Variants in MYO9B observed in about 807,000 individuals in gnomAD.
MYO9B encodes the protein myosin IXB.
Under a neutral mutation model 229.5 loss-of-function variants are expected in MYO9B, and 71 were observed. The observed-to-expected ratio is 0.31, with a 90% CI of 0.26 to 0.38. MYO9B has a LOEUF of 0.38. MYO9B is among the 10% of genes least tolerant of loss of function. The pLI, the probability that MYO9B is intolerant of heterozygous loss-of-function variation, is 1.00. For missense variants in MYO9B, 2,255 were observed against 2,920.5 expected, an observed-to-expected ratio of 0.77 and a Z score of 5.25; for synonymous variants, 1,185 against 1,235.8, an observed-to-expected ratio of 0.96 and a Z score of 0.86.
At chr19:17,114,905 T>C (rs1599337559) in intron 2 of MYO9B, among the ~76,000 whole-genome samples, 1 of 148,302 alleles carries the variant, frequency 6.7e-6, no homozygotes, top group Admixed American at 6.8e-5. Flanking sequence ...CTCTTTTGGT[T>C]CCCCCAGTTG....
chr19:17,188,428 CA>C (rs1182917762), intron 19 of MYO9B, among the ~76,000 whole-genome samples: 284 of 92,532 alleles, frequency 3.1e-3, no homozygotes, highest in African/African-American at 9.0e-3. Flanking sequence ...GACTCCATCT[CA>C]AAAAAAAAAA....
At chr19:17,181,973 C>A (rs2072866482) in intron 15 of MYO9B, among the ~76,000 whole-genome samples, 1 of 151,858 alleles carries the variant, frequency 6.6e-6, no homozygotes, top group African/African-American at 2.4e-5. Flanking sequence ...GATGGGGTTT[C>A]ACCATGTTGG....
chr19:17,093,689 G>C (rs2057660375), intron 1 of MYO9B, among the ~76,000 whole-genome samples: 1 of 22,214 alleles, frequency 4.5e-5, no homozygotes, highest in Non-Finnish European at 7.3e-5. Flanking sequence ...TTTTTTGCGG[G>C]GGGTGGGGGG....
Position 17,132,628 on chromosome 19 carries a change from G to A in MYO9B, c.841-12769G>A, listed in dbSNP as rs1352202823. Among the ~76,000 whole-genome samples, 6 of 144,598 alleles carry A rather than the reference G, an allele frequency of 4.1e-5. No homozygotes were observed. In the East Asian group the frequency reaches 1.2e-3, roughly 29 times the overall value. The allele number at this position is 144,598 out of a possible 152,430, so 94.9% of individuals were successfully genotyped here. ...ACTGCAAGCTCCACCTCCCAGGTTC[G>A]TGCCATTCTCCTGCCTCAACCTCCC... On this transcript the variant is annotated intron_variant, in intron 2 of 39. Coordinates refer to ENST00000682292, the MANE Select transcript of MYO9B (RefSeq NM_004145.4).
intron 10 of MYO9B, among the ~76,000 whole-genome samples, chr19:17,165,793 A>G (rs2072653015): frequency 6.6e-6 from 1 of 152,098 alleles, no homozygotes; most frequent in South Asian, 2.1e-4. Flanking sequence ...AAAAAAGAAA[A>G]TGTGAAGATT....
chr19:17,144,041 G>A (rs1036792936), intron 2 of MYO9B, among the ~76,000 whole-genome samples: 6 of 152,060 alleles, frequency 3.9e-5, no homozygotes, highest in Non-Finnish European at 5.9e-5. Context: ...ACAAACCTGC[G>A]TGTGTACCCC....
At chr19:17,093,209 T>C (rs1009483578) in intron 1 of MYO9B, among the ~76,000 whole-genome samples, 4 of 151,986 alleles carry the variant, frequency 2.6e-5, no homozygotes, top group African/African-American at 9.7e-5. Context: ...GGTGCACGCC[T>C]GTAATCCCAA....
intron 7 of MYO9B, among the ~76,000 whole-genome samples, chr19:17,158,309 C>G (rs577080533): frequency 2.0e-5 from 3 of 152,154 alleles, no homozygotes; most frequent in Non-Finnish European, 4.4e-5. Context: ...CGGTGGCTCA[C>G]GCCTGTAATC....
chr19:17,187,953 G>A lies in MYO9B; in HGVS notation c.2596G>A (p.Asp866Asn), dbSNP rs757693652. The A allele has an allele frequency of 3.0e-5, 48 of 1,591,708 alleles. No homozygotes were observed. The Middle Eastern group carries it at 5.0e-4, about 16-fold the overall frequency. ...ATTTCAGAAAGAGCTGTGCTTTGAC[G>A]ACGAGCTGGTCCTGCAGCAGCTGCG... ...NAEKKELCFD[D>N]ELVLQQLRYT... Residue 866 changes from aspartate (D) to asparagine (N), a missense_variant, in exon 19 of 40, where the codon GAC becomes AAC. Transcript: ENST00000682292.
intron 2 of MYO9B, among the ~76,000 whole-genome samples, chr19:17,140,474 A>G (rs574209158): frequency 7.1e-6 from 1 of 141,356 alleles, no homozygotes; most frequent in African/African-American, 2.7e-5. Flanking sequence ...TCCTCAACCT[A>G]TCACCTTAGG....
chr19:17,125,297 T>TG (rs1491358648), intron 2 of MYO9B, among the ~76,000 whole-genome samples: 1 of 99,738 alleles, frequency 1.0e-5, no homozygotes, highest in Non-Finnish European at 2.0e-5. Context: ...TAAAACCCCA[T>TG]CCCCCCCCCC....
chr19:17,159,731 G>A (rs748984511), intron 8 of MYO9B, among the ~76,000 whole-genome samples: 1 of 152,236 alleles, frequency 6.6e-6, no homozygotes, highest in Non-Finnish European at 1.5e-5. Context: ...CCGTGTGCAT[G>A]CTGGTTCTCA....
At chr19:17,121,581 G>T (rs1301255814) in intron 2 of MYO9B, among the ~76,000 whole-genome samples, 1 of 152,154 alleles carries the variant, frequency 6.6e-6, no homozygotes, top group Non-Finnish European at 1.5e-5. Context: ...GAGAGAGGCA[G>T]TGGCACCTGC....
At chr19:17,115,279 A>G (rs1377500103) in intron 2 of MYO9B, among the ~76,000 whole-genome samples, 8 of 152,174 alleles carry the variant, frequency 5.3e-5, no homozygotes, top group Admixed American at 3.3e-4. Flanking sequence ...TTTACATATC[A>G]TCCCTGGCAT....
At chr19:17,178,285 T>G (rs766837819) in intron 14 of MYO9B, 3 of 152,176 alleles carry the variant, frequency 2.0e-5, no homozygotes, top group Non-Finnish European at 4.4e-5. Context: ...CCAGGCCACC[T>G]GCCGAGAGCT....
intron 2 of MYO9B, among the ~76,000 whole-genome samples, chr19:17,115,591 C>T (rs929274826): frequency 2.5e-4 from 38 of 151,702 alleles, no homozygotes; most frequent in Admixed American, 2.1e-3. Flanking sequence ...GCTTCAGCCT[C>T]CCGAGTAGTT....
chr19:17,180,693 T>C, intron 14 of MYO9B: 1 of 478,998 alleles, frequency 2.1e-6, no homozygotes. Flanking sequence ...TGTTGCCAAG[T>C]CCAATTTGCC....
At chr19:17,210,544 C>T (rs1172495236) in intron 37 of MYO9B, 164 bp downstream of exon 37, 23 of 1,229,694 alleles carry the variant, frequency 1.9e-5, no homozygotes, top group South Asian at 3.2e-5. Context: ...GTGCTCAGGA[C>T]GACTAATCGG....
chr19:17,165,293 C>A (rs760549706), intron 10 of MYO9B, among the ~76,000 whole-genome samples: 1 of 150,690 alleles, frequency 6.6e-6, no homozygotes, highest in Non-Finnish European at 1.5e-5. Context: ...CCCAAGAGGT[C>A]GAGGCTGCAA....
Sources: gnomAD v4.1 joint callset for allele counts (sites outside exome capture counted in the v4.1 genomes callset) on GRCh38, gnomAD v4.1.1 for gene constraint, MANE v1.5 for transcripts, NCBI Gene and HGNC (gene_info 2026-07-23, HGNC 2026-07-21) for gene names.